The following FER variants were observed in gnomAD, a reference collection of about 807,000 sequenced individuals.
FER encodes tyrosine-protein kinase Fer.
Under a neutral mutation model 111.0 loss-of-function variants are expected in FER, and 63 were observed. That is an observed-to-expected ratio of 0.57 (90% confidence interval 0.46 to 0.70). The LOEUF (loss-of-function observed/expected upper bound fraction) is 0.70. Ranked by LOEUF, FER falls within the 30% of genes least tolerant of loss-of-function variation. The pLI is 0.00. For missense variants in FER, 914 were observed against 954.0 expected (o/e 0.96, Z 0.55); for synonymous variants, 327 against 313.9 (o/e 1.04, Z -0.44).
intron 14 of FER, among the ~76,000 whole-genome samples, chr5:109,042,534 A>G (rs887347952): frequency 6.6e-6 from 1 of 152,164 alleles, no homozygotes; most frequent in Non-Finnish European, 1.5e-5. Flanking sequence ...ACCACCGTTG[A>G]TAAAGTTGAC....
chr5:108,798,497 G>C, intron 3 of FER, 108 bp downstream of exon 3: 1 of 871,376 alleles, frequency 1.1e-6, no homozygotes. Context: ...TTCTAAAGCA[G>C]TGATTCCACA....
At chr5:108,819,351 T>G (rs1229794513) in intron 3 of FER, among the ~76,000 whole-genome samples, 1 of 152,062 alleles carries the variant, frequency 6.6e-6, no homozygotes, top group Non-Finnish European at 1.5e-5. Flanking sequence ...TAAAGTAGTT[T>G]GTAGATATTA....
At chr5:108,807,242 G>A (rs868855270) in intron 3 of FER, among the ~76,000 whole-genome samples, 11 of 152,170 alleles carry the variant, frequency 7.2e-5, no homozygotes, top group African/African-American at 1.7e-4. Context: ...CCCCAGCCAC[G>A]TGGAACTGTA....
At chr5:108,896,121 A>G (rs1209223685) in intron 9 of FER, among the ~76,000 whole-genome samples, 1 of 151,564 alleles carries the variant, frequency 6.6e-6, no homozygotes. Flanking sequence ...TTTACCTTGT[A>G]TGTTTTAAAT....
rs368353689 is a variant in FER at position 108,825,526 on chromosome 5, A to G, written c.208-7244A>G. On this transcript the variant is annotated intron_variant, in intron 3 of 19. Coordinates refer to ENST00000281092, the MANE Select transcript of FER (RefSeq NM_005246.4). ...ATCCTGTTCTTTTTTCAGGGTGCCCACATTTCATATTGCTCAAACACACAT... is the reference window on the plus strand; with the variant it reads ...ATCCTGTTCTTTTTTCAGGGTGCCCGCATTTCATATTGCTCAAACACACAT... Among the ~76,000 whole-genome samples the G allele has an allele frequency of 2.6e-5, 4 of 152,266 alleles. No individual in the cohort carries two copies. In the East Asian group the frequency reaches 7.7e-4, roughly 29 times the overall value.
At chr5:108,876,876 A>G (rs543880392) in intron 8 of FER, among the ~76,000 whole-genome samples, 1 of 152,304 alleles carries the variant, frequency 6.6e-6, no homozygotes, top group South Asian at 2.1e-4. Context: ...TCTTCTCATT[A>G]AGAGACTTGC....
chr5:108,752,561 A>T (rs1222729171), intron 1 of FER, among the ~76,000 whole-genome samples: 3 of 151,988 alleles, frequency 2.0e-5, no homozygotes, highest in African/African-American at 7.2e-5. Flanking sequence ...GAGGAATTAG[A>T]CCCAAGCAGT....
At chr5:109,175,982 A>G (rs1424693529) in intron 17 of FER, among the ~76,000 whole-genome samples, 3 of 152,184 alleles carry the variant, frequency 2.0e-5, no homozygotes, top group Non-Finnish European at 2.9e-5. Context: ...CCATCTCCAA[A>G]AAACAAACAA....
chr5:108,880,040 A>G (rs1383903531), intron 8 of FER, among the ~76,000 whole-genome samples: 2 of 151,924 alleles, frequency 1.3e-5, no homozygotes, highest in Admixed American at 6.6e-5. Context: ...TTCTAAATTC[A>G]TTTGTCTTTT....
intron 16 of FER, among the ~76,000 whole-genome samples, chr5:109,077,547 T>G (rs1021921970): frequency 3.9e-5 from 6 of 152,198 alleles, no homozygotes; most frequent in African/African-American, 1.4e-4. Flanking sequence ...CCATTCATTT[T>G]AAAGCATAGT....
intron 17 of FER, among the ~76,000 whole-genome samples, chr5:109,168,035 T>C (rs544941472): frequency 9.8e-5 from 15 of 152,320 alleles, no homozygotes; most frequent in African/African-American, 3.6e-4. Context: ...AGAGTGAACC[T>C]GTATGTTTTC....
intron 17 of FER, among the ~76,000 whole-genome samples, chr5:109,165,340 G>A (rs1290706459): frequency 6.6e-6 from 1 of 152,064 alleles, no homozygotes; most frequent in Non-Finnish European, 1.5e-5. Flanking sequence ...GTTTCAATAT[G>A]CCAGGTTTAA....
At chr5:109,052,305 G>A (rs1772948607) in intron 16 of FER, 1 of 1,608,440 alleles carries the variant, frequency 6.2e-7, no homozygotes, top group Non-Finnish European at 8.5e-7. Flanking sequence ...TACAACGAAA[G>A]GCAGACTGCT....
chr5:108,819,003 T>C (rs1049501181), intron 3 of FER, among the ~76,000 whole-genome samples: 1 of 152,066 alleles, frequency 6.6e-6, no homozygotes, highest in Non-Finnish European at 1.5e-5. Context: ...CTCCTTAGTT[T>C]AACCTAGATA....
intron 16 of FER, chr5:109,052,003 A>G (rs1723313935): frequency 1.1e-5 from 17 of 1,587,228 alleles, no homozygotes; most frequent in Non-Finnish European, 1.4e-5. Context: ...GTAGGTTCGC[A>G]GCAACCCCCC....
At chr5:109,122,390 T>C (rs749761841) in intron 17 of FER, among the ~76,000 whole-genome samples, 5 of 152,198 alleles carry the variant, frequency 3.3e-5, no homozygotes, top group Non-Finnish European at 7.4e-5. Flanking sequence ...AAAATTCTTC[T>C]TGTTTTTGAT....
intron 13 of FER, among the ~76,000 whole-genome samples, chr5:109,001,030 A>G (rs1437624930): frequency 1.3e-5 from 2 of 152,170 alleles, no homozygotes; most frequent in Non-Finnish European, 2.9e-5. Context: ...CCAACCAAAA[A>G]GAGTCCAGGA....
chr5:108,939,092 A>G (rs1329970628), intron 10 of FER, among the ~76,000 whole-genome samples: 1 of 152,014 alleles, frequency 6.6e-6, no homozygotes, highest in South Asian at 2.1e-4. Flanking sequence ...TGGCCATTTA[A>G]ACTAGGGTTT....
chr5:109,010,234 T>G (rs1214426132), intron 13 of FER, among the ~76,000 whole-genome samples: 3 of 152,182 alleles, frequency 2.0e-5, no homozygotes, highest in Non-Finnish European at 4.4e-5. Flanking sequence ...CTCGGCCCAC[T>G]GCAAGCTCCG....
Sources: allele counts gnomAD v4.1 joint callset (sites outside exome capture counted in the v4.1 genomes callset), GRCh38; gene constraint gnomAD v4.1.1; transcripts MANE v1.5; gene names NCBI Gene and HGNC (gene_info 2026-07-23, HGNC 2026-07-21).